Variants in CALCRL observed in about 807,000 individuals in gnomAD.
The protein encoded by CALCRL is calcitonin receptor like receptor, also known as calcitonin gene-related peptide type 1 receptor.
Under a neutral mutation model 60.4 loss-of-function variants are expected in CALCRL, and 27 were observed. That is an observed-to-expected ratio of 0.45 (90% confidence interval 0.33 to 0.62). CALCRL has a LOEUF of 0.62. Ranked by LOEUF, CALCRL falls within the 20% of genes least tolerant of loss-of-function variation. The pLI, the probability that CALCRL is intolerant of heterozygous loss-of-function variation, is 0.03. For missense variants in CALCRL, 424 were observed against 540.7 expected, an observed-to-expected ratio of 0.78 and a Z score of 2.14; for synonymous variants, 190 against 182.6, an observed-to-expected ratio of 1.04 and a Z score of -0.33.
rs938636842 is a variant in CALCRL at position 187,345,674 on chromosome 2, T to C, written c.*510A>G. ...TTGAGAGGGTAGTTACAAAAAGGAC[T>C]ACGGCACTCTGGGCAAAAAAAAAGT... is the stretch of plus-strand genomic sequence containing the variant. On this transcript the variant is annotated 3_prime_UTR_variant, in exon 15 of 15. Coordinates refer to ENST00000392370, the MANE Select transcript of CALCRL (RefSeq NM_005795.6). 1 of 118,998 alleles carries C rather than the reference T, an allele frequency of 8.4e-6. No homozygotes were observed. Among genetic ancestry groups the C allele is most frequent in the Non-Finnish European group, 1.9e-5 (1 of 52,964 alleles). The allele number at this position is 118,998 out of a possible 1,614,324, so 7.4% of individuals were successfully genotyped here.
At chr2:187,390,483 G>A (rs1688389553) in intron 1 of CALCRL, among the ~76,000 whole-genome samples, 1 of 143,534 alleles carries the variant, frequency 7.0e-6, no homozygotes, top group Admixed American at 7.2e-5. Context: ...CATGTCTGAA[G>A]GTTTTCCAAA....
intron 12 of CALCRL, among the ~76,000 whole-genome samples, chr2:187,354,388 A>G (rs1686675776): frequency 6.6e-6 from 1 of 151,990 alleles, no homozygotes; most frequent in Non-Finnish European, 1.5e-5. Flanking sequence ...AATTAAATGT[A>G]TCATCTCTCA....
At chr2:187,357,267 A>G (rs540059090) in intron 12 of CALCRL, among the ~76,000 whole-genome samples, 6 of 152,248 alleles carry the variant, frequency 3.9e-5, no homozygotes, top group South Asian at 2.1e-4. Flanking sequence ...ATGCCCATCA[A>G]TGATAGACTG....
intron 1 of CALCRL, among the ~76,000 whole-genome samples, chr2:187,422,803 T>G (rs1180837919): frequency 6.6e-6 from 1 of 151,952 alleles, no homozygotes; most frequent in East Asian, 1.9e-4. Context: ...AGAGAAATGG[T>G]ATAATTCTGA....
At chr2:187,395,212 C>T (rs1166079875) in intron 1 of CALCRL, among the ~76,000 whole-genome samples, 3 of 152,002 alleles carry the variant, frequency 2.0e-5, no homozygotes, top group African/African-American at 7.2e-5. Context: ...TAAATTTCTA[C>T]CCTTTGCCCT....
chr2:187,408,808 C>T (rs1434937080), intron 1 of CALCRL, among the ~76,000 whole-genome samples: 3 of 151,954 alleles, frequency 2.0e-5, no homozygotes, highest in Non-Finnish European at 2.9e-5. Flanking sequence ...AAAATAGCTA[C>T]ACCAAGAAAA....
chr2:187,351,496 G>C (rs1419649367), intron 14 of CALCRL, among the ~76,000 whole-genome samples: 1 of 151,734 alleles, frequency 6.6e-6, no homozygotes, highest in African/African-American at 2.4e-5. Context: ...TTGCCATAAA[G>C]TTGTTTCCAT....
chr2:187,439,883 G>A (rs1574330186), intron 1 of CALCRL, among the ~76,000 whole-genome samples: 1 of 152,072 alleles, frequency 6.6e-6, no homozygotes, highest in East Asian at 1.9e-4. Flanking sequence ...CTTGATAAAT[G>A]GAAGAAGAGA....
At chr2:187,416,998 T>C (rs953273552) in intron 1 of CALCRL, among the ~76,000 whole-genome samples, 1 of 152,080 alleles carries the variant, frequency 6.6e-6, no homozygotes, top group Non-Finnish European at 1.5e-5. Context: ...TATATATTCT[T>C]TCTCTTGAAA....
chr2:187,429,848 A>T (rs1241249463), intron 1 of CALCRL, among the ~76,000 whole-genome samples: 2 of 149,466 alleles, frequency 1.3e-5, no homozygotes, highest in Non-Finnish European at 3.0e-5. Context: ...CTTCCAATTT[A>T]TCTTCTTCAA....
At chr2:187,401,180 T>C (rs2105824192) in intron 1 of CALCRL, among the ~76,000 whole-genome samples, 1 of 151,674 alleles carries the variant, frequency 6.6e-6, no homozygotes, top group Non-Finnish European at 1.5e-5. Context: ...AGTAAAGCTG[T>C]TTTTAAAAAA....
rs79150383 is a variant in CALCRL, at chr2:187,391,185, G to A, written c.-292-3429C>T. Among the ~76,000 whole-genome samples the A allele has an allele frequency of 6.0e-3, 910 of 152,196 alleles. 18 individuals carry two copies. The highest frequency in any genetic ancestry group is 0.04 in the East Asian group (207 of 5,172). ...TGTAATCCTTGGTTTCAGCTCACTG[G>A]TTCTCTGCATACTGCCTCTAATTGG... On this transcript the variant is annotated intron_variant, in intron 1 of 14. Coordinates refer to ENST00000392370, the MANE Select transcript of CALCRL (RefSeq NM_005795.6).
At chr2:187,391,283 C>T (rs141006040) in intron 1 of CALCRL, among the ~76,000 whole-genome samples, 2 of 152,174 alleles carry the variant, frequency 1.3e-5, no homozygotes, top group Non-Finnish European at 2.9e-5. Context: ...ACAATTGATG[C>T]TAGTTAACCA....
In CALCRL at chr2:187,378,984, A is replaced by C; in HGVS notation, c.456T>G (p.Ser152=). 1 of 1,608,526 alleles carries C rather than the reference A, an allele frequency of 6.2e-7. No homozygotes were observed. The change falls in exon 8 of 15, where the codon TCT becomes TCG. Residue 152 remains serine (S), a synonymous_variant. Coordinates refer to ENST00000392370, the MANE Select transcript of CALCRL (RefSeq NM_005795.6). The part of the protein sequence containing the change: ...FYLTIIGHGL[S]IASLLISLGI... Reference sequence around the variant, plus strand: ...CAAGCGAGATAAGCAGTGATGCAATAGACAATCCGTGTCCAATTATGGTCA... The same window carrying C: ...CAAGCGAGATAAGCAGTGATGCAATCGACAATCCGTGTCCAATTATGGTCA...
chr2:187,429,949 A>T (rs557256424), intron 1 of CALCRL, among the ~76,000 whole-genome samples: 1 of 152,342 alleles, frequency 6.6e-6, no homozygotes, highest in South Asian at 2.1e-4. Context: ...ACTGATACAC[A>T]CAGATAGTGG....
rs560682545 is a variant in CALCRL, at chr2:187,432,117, A to G, written c.-293+15922T>C. On this transcript the variant is annotated intron_variant, in intron 1 of 14. Transcript: ENST00000392370. The stretch of plus-strand genomic sequence containing the variant: ...ATTCAAGAACTGGGTCAAAGAGGGA[A>G]CCAGAGGCCAAATCTTGTCAGTAAT... 1.7e-4 allele frequency among the ~76,000 whole-genome samples: 26 copies of G among 152,240 alleles called. No homozygotes were observed. In the South Asian group the frequency reaches 5.2e-3, roughly 30 times the overall value.
chr2:187,419,023 A>ATTTTTTTTTTTTTTT, intron 1 of CALCRL, among the ~76,000 whole-genome samples: 2 of 85,986 alleles, frequency 2.3e-5, no homozygotes, highest in Non-Finnish European at 4.3e-5. Flanking sequence ...CGTCTGGCTA[A>ATTTTTTTTTTTTTTT]TTTTTTTTTT....
intron 14 of CALCRL, among the ~76,000 whole-genome samples, chr2:187,348,925 T>A (rs1214143195): frequency 6.6e-6 from 1 of 151,738 alleles, no homozygotes; most frequent in Non-Finnish European, 1.5e-5. Context: ...AATGTTTTTA[T>A]TGTTTTATGC....
intron 1 of CALCRL, among the ~76,000 whole-genome samples, chr2:187,398,109 T>C (rs1218213098): frequency 6.6e-6 from 1 of 151,526 alleles, no homozygotes; most frequent in Non-Finnish European, 1.5e-5. Context: ...GCCCAATTAG[T>C]AAAAGGTGGA....
Sources: gnomAD v4.1 joint callset for allele counts (sites outside exome capture counted in the v4.1 genomes callset) on GRCh38, gnomAD v4.1.1 for gene constraint, MANE v1.5 for transcripts, NCBI Gene and HGNC (gene_info 2026-07-23, HGNC 2026-07-21) for gene names.